Variants in RBMS3 observed in about 807,000 individuals in gnomAD.
The protein encoded by RBMS3 is RNA binding motif single stranded interacting protein 3, also known as RNA-binding motif, single-stranded-interacting protein 3.
Under a neutral mutation model 66.8 loss-of-function variants are expected in RBMS3, and 27 were observed. The observed-to-expected ratio is 0.40, with a 90% CI of 0.30 to 0.56. RBMS3 has a LOEUF of 0.56. Ranked by LOEUF, RBMS3 falls within the 20% of genes least tolerant of loss-of-function variation. The probability of loss-of-function intolerance (pLI) is 0.40; values close to 1 mark genes in which losing one functional copy is unlikely to be tolerated. For synonymous variants in RBMS3, 188 were observed against 183.0 expected (o/e 1.03, Z -0.22); for missense variants, 513 against 549.5 (o/e 0.93, Z 0.66).
intron 8 of RBMS3, among the ~76,000 whole-genome samples, chr3:29,895,915 C>A (rs1267695397): frequency 6.7e-6 from 1 of 150,162 alleles, no homozygotes; most frequent in Non-Finnish European, 1.5e-5. Flanking sequence ...AAAAAAAAAA[C>A]AACTTTGTAT....
intron 5 of RBMS3, among the ~76,000 whole-genome samples, chr3:29,744,345 A>T (rs2054778732): frequency 6.6e-6 from 1 of 152,196 alleles, no homozygotes; most frequent in Admixed American, 6.5e-5. Flanking sequence ...AGCAATATGC[A>T]GAAAGACATT....
chr3:29,291,712 G>A (rs542692027), intron 1 of RBMS3, among the ~76,000 whole-genome samples: 21 of 151,554 alleles, frequency 1.4e-4, no homozygotes, highest in African/African-American at 4.6e-4. Flanking sequence ...CAGTTCCCAC[G>A]GTTATTTACC....
At chr3:29,470,673 C>T (rs2042693980) in intron 2 of RBMS3, among the ~76,000 whole-genome samples, 1 of 151,956 alleles carries the variant, frequency 6.6e-6, no homozygotes, top group South Asian at 2.1e-4. Flanking sequence ...TAAAAATCAG[C>T]TGCTGATACT....
chr3:29,739,433 G>T (rs555940813), intron 4 of RBMS3, among the ~76,000 whole-genome samples: 1 of 145,796 alleles, frequency 6.9e-6, no homozygotes, highest in African/African-American at 2.6e-5. Context: ...TCCAGCCTGG[G>T]CTACAGAGCG....
At chr3:29,955,177 G>T (rs751752630) in intron 12 of RBMS3, among the ~76,000 whole-genome samples, 1 of 151,878 alleles carries the variant, frequency 6.6e-6, no homozygotes, top group Non-Finnish European at 1.5e-5. Flanking sequence ...CTTGAGAGGA[G>T]ACCTAAAATT....
intron 6 of RBMS3, among the ~76,000 whole-genome samples, chr3:29,789,065 T>A (rs1035019343): frequency 2.0e-5 from 3 of 152,190 alleles, no homozygotes; most frequent in African/African-American, 7.2e-5. Flanking sequence ...TTTGCCCATT[T>A]TTTCAACTGA....
chr3:29,811,217 T>C (rs1227579267), intron 6 of RBMS3, among the ~76,000 whole-genome samples: 6 of 152,126 alleles, frequency 3.9e-5, no homozygotes, highest in Admixed American at 2.6e-4. Context: ...GGGGCTCTCC[T>C]TGGGGCTCTC....
At chr3:29,992,597 G>A (rs983711794) in intron 14 of RBMS3, among the ~76,000 whole-genome samples, 5 of 151,658 alleles carry the variant, frequency 3.3e-5, no homozygotes, top group Admixed American at 1.3e-4. Flanking sequence ...GCAAGACTCC[G>A]TCTCAAAAAA....
intron 4 of RBMS3, among the ~76,000 whole-genome samples, chr3:29,723,286 G>A (rs7632830): frequency 0.13 from 19,819 of 152,090 alleles, 1,355 homozygotes; most frequent in Middle Eastern, 0.24. Flanking sequence ...TCACTCACTA[G>A]TTTTTACATA....
rs934307706 is a variant in RBMS3, at chr3:29,703,850, C to T, written c.400-35870C>T. On this transcript the variant is annotated intron_variant, in intron 4 of 14. Coordinates refer to ENST00000383767, the MANE Select transcript of RBMS3 (RefSeq NM_001003793.3). ...CGCACGGCTGGAGATGAGTGCTGGG[C>T]GAGTGAATGAAGCTTTCATCTGTAT... Among the ~76,000 whole-genome samples the T allele has an allele frequency of 3.4e-5, 5 of 148,056 alleles. 1 individual carries two copies. The highest frequency in any genetic ancestry group is 1.3e-4 in the Admixed American group (2 of 15,076).
chr3:29,666,856 T>G (rs1192389584), intron 4 of RBMS3, among the ~76,000 whole-genome samples: 1 of 152,172 alleles, frequency 6.6e-6, no homozygotes, highest in African/African-American at 2.4e-5. Context: ...CAGTTGTTAA[T>G]GAGTAGCCTT....
At chr3:29,725,160 C>T (rs2053807052) in intron 4 of RBMS3, among the ~76,000 whole-genome samples, 1 of 152,168 alleles carries the variant, frequency 6.6e-6, no homozygotes. Context: ...AATCACAAGA[C>T]TCCTGTAGGG....
intron 3 of RBMS3, among the ~76,000 whole-genome samples, chr3:29,550,864 A>G (rs1367515808): frequency 6.6e-6 from 1 of 152,218 alleles, no homozygotes; most frequent in African/African-American, 2.4e-5. Flanking sequence ...AGCAGCACAC[A>G]TCACTTCTGC....
intron 10 of RBMS3, among the ~76,000 whole-genome samples, chr3:29,931,222 A>G (rs564477002): frequency 6.6e-6 from 1 of 152,330 alleles, no homozygotes; most frequent in Non-Finnish European, 1.5e-5. Context: ...ACTGCATGCA[A>G]TTCCTATTTA....
chr3:29,748,707 C>T (rs1478149391), intron 5 of RBMS3, among the ~76,000 whole-genome samples: 1 of 152,140 alleles, frequency 6.6e-6, no homozygotes, highest in Non-Finnish European at 1.5e-5. Context: ...TTGCATACCT[C>T]ACATAGCTCA....
intron 1 of RBMS3, among the ~76,000 whole-genome samples, chr3:29,359,196 C>T (rs1279844299): frequency 1.3e-5 from 2 of 152,084 alleles, no homozygotes; most frequent in African/African-American, 2.4e-5. Context: ...TCATAAATAG[C>T]TCTTATTATT....
intron 6 of RBMS3, among the ~76,000 whole-genome samples, chr3:29,847,667 T>G (rs944209873): frequency 2.6e-5 from 4 of 151,974 alleles, no homozygotes; most frequent in Non-Finnish European, 4.4e-5. Context: ...TTATTTTTTA[T>G]TTTTTTGAGA....
intron 10 of RBMS3, among the ~76,000 whole-genome samples, chr3:29,920,348 T>C (rs536726960): frequency 6.6e-6 from 1 of 152,332 alleles, no homozygotes; most frequent in Non-Finnish European, 1.5e-5. Flanking sequence ...ATGAGTAAAT[T>C]GGAAAGTATG....
chr3:29,898,731 A>ATGTG (rs1265286069), intron 9 of RBMS3, among the ~76,000 whole-genome samples: 9 of 112,302 alleles, frequency 8.0e-5, no homozygotes, highest in South Asian at 2.9e-4. Flanking sequence ...CCTGGTTGTA[A>ATGTG]TGTGCGTGTG....
Sources: allele counts gnomAD v4.1 joint callset (sites outside exome capture counted in the v4.1 genomes callset), GRCh38; gene constraint gnomAD v4.1.1; transcripts MANE v1.5; gene names NCBI Gene and HGNC (gene_info 2026-07-23, HGNC 2026-07-21).